Variants in ANKS1B observed in about 807,000 individuals in gnomAD.
ANKS1B encodes the protein ankyrin repeat and sterile alpha motif domain containing 1B.
In ANKS1B, 36 loss-of-function variants were observed where a neutral mutation model predicts 148.3. The observed-to-expected ratio is 0.24, with a 90% confidence interval of 0.19 to 0.32. The LOEUF is 0.32. Among genes scored for constraint, ANKS1B ranks in the 10% least tolerant of loss-of-function variants. The pLI is 1.00. For synonymous variants in ANKS1B, 542 were observed against 560.8 expected (o/e 0.97, Z 0.47); for missense variants, 1,157 against 1,542.6 (o/e 0.75, Z 4.19).
Position 99,246,640 on chromosome 12 carries a change from C to A in ANKS1B, c.1981G>T (p.Val661Leu), listed in dbSNP as rs774704478. The change falls in exon 13 of 27, where the codon GTA becomes TTA. Residue 661 changes from valine (V) to leucine (L), a missense_variant. By Grantham distance (32) the Val-to-Leu change is conservative. Around this residue, in one of 6 missense-constraint regions of ANKS1B, gnomAD observed 661 missense variants for 642.1 expected, o/e 1.03. Coordinates refer to ENST00000683438, the MANE Select transcript of ANKS1B (RefSeq NM_001352186.2). ...SPIENNSEPLVKKIKPKVVSR... is the reference protein window; with the variant it reads ...SPIENNSEPLLKKIKPKVVSR... ...ACCACTTTGGGTTTAATTTTCTTTA[C>A]CAAAGGTTCTGAGTTATTTTCTATT... The A allele has an allele frequency of 3.1e-6, 5 of 1,613,582 alleles. No individual in the cohort carries two copies. In the East Asian group the frequency reaches 1.1e-4, roughly 36 times the overall value.
chr12:99,094,744 G>C (rs1351463103), intron 15 of ANKS1B, among the ~76,000 whole-genome samples: 1 of 152,196 alleles, frequency 6.6e-6, no homozygotes, highest in East Asian at 1.9e-4. Flanking sequence ...GGGGGACGAA[G>C]ACCTGGGAAA....
At chr12:99,372,732 A>G (rs1229905136) in intron 12 of ANKS1B, among the ~76,000 whole-genome samples, 1 of 152,116 alleles carries the variant, frequency 6.6e-6, no homozygotes. Context: ...TCTGCATAAA[A>G]TGTTACTGCA....
intron 17 of ANKS1B, among the ~76,000 whole-genome samples, chr12:99,024,646 T>C (rs1440871914): frequency 6.6e-6 from 1 of 152,218 alleles, no homozygotes; most frequent in African/African-American, 2.4e-5. Flanking sequence ...GTTTTAAATT[T>C]TCTGTATATT....
At chr12:99,288,603 G>C (rs1215038463) in intron 12 of ANKS1B, among the ~76,000 whole-genome samples, 1 of 151,860 alleles carries the variant, frequency 6.6e-6, no homozygotes, top group Non-Finnish European at 1.5e-5. Flanking sequence ...AATAATAATG[G>C]GGTGATAAAG....
At chr12:99,157,796 T>A (rs1408876865) in intron 14 of ANKS1B, among the ~76,000 whole-genome samples, 2 of 152,120 alleles carry the variant, frequency 1.3e-5, no homozygotes, top group Non-Finnish European at 2.9e-5. Flanking sequence ...CTTGTACCTC[T>A]TAGAGCAATA....
chr12:99,459,555 G>A (rs1353400646), intron 10 of ANKS1B, among the ~76,000 whole-genome samples: 2 of 151,986 alleles, frequency 1.3e-5, no homozygotes, highest in Non-Finnish European at 2.9e-5. Context: ...AATGAATTCA[G>A]CAAAGTTTCA....
At chr12:98,977,832 G>C (rs546171305) in intron 17 of ANKS1B, among the ~76,000 whole-genome samples, 1 of 152,180 alleles carries the variant, frequency 6.6e-6, no homozygotes, top group Non-Finnish European at 1.5e-5. Context: ...TACTCATACA[G>C]TCAATAGACA....
At chr12:99,055,723 G>T (rs900392429) in intron 16 of ANKS1B, among the ~76,000 whole-genome samples, 1 of 149,482 alleles carries the variant, frequency 6.7e-6, no homozygotes, top group Non-Finnish European at 1.5e-5. Context: ...TCTAAACTTG[G>T]GGGGGGGGGA....
At chr12:99,401,014 G>A (rs1284090080) in intron 11 of ANKS1B, among the ~76,000 whole-genome samples, 1 of 145,118 alleles carries the variant, frequency 6.9e-6, no homozygotes, top group Admixed American at 6.8e-5. Context: ...TATAAGGTGT[G>A]TAAATTATCA....
At chr12:98,888,031 C>G (rs2152603328) in intron 17 of ANKS1B, among the ~76,000 whole-genome samples, 1 of 152,240 alleles carries the variant, frequency 6.6e-6, no homozygotes, top group South Asian at 2.1e-4. Context: ...AGAAAGATGC[C>G]TTAAATGATA....
chr12:99,411,672 T>C (rs191843100), intron 11 of ANKS1B, among the ~76,000 whole-genome samples: 8 of 152,332 alleles, frequency 5.3e-5, no homozygotes, highest in East Asian at 1.9e-4. Context: ...TATCCACTGA[T>C]TTGAAATGTC....
intron 24 of ANKS1B, among the ~76,000 whole-genome samples, chr12:98,774,497 T>A (rs1193100906): frequency 6.6e-6 from 1 of 152,248 alleles, no homozygotes; most frequent in East Asian, 1.9e-4. Flanking sequence ...TACATAGATG[T>A]GTTTAAAAAG....
At chr12:99,731,947 A>G (rs2059202307) in intron 8 of ANKS1B, among the ~76,000 whole-genome samples, 1 of 152,206 alleles carries the variant, frequency 6.6e-6, no homozygotes, top group African/African-American at 2.4e-5. Flanking sequence ...ATATATAAAG[A>G]ATTCGTTCAA....
intron 14 of ANKS1B, among the ~76,000 whole-genome samples, chr12:99,241,214 A>T (rs1489858690): frequency 6.6e-6 from 1 of 152,238 alleles, no homozygotes; most frequent in African/African-American, 2.4e-5. Context: ...GATAAAGGGG[A>T]TATCACCACC....
chr12:99,392,156 C>T (rs1174531049), intron 12 of ANKS1B, among the ~76,000 whole-genome samples: 1 of 152,224 alleles, frequency 6.6e-6, no homozygotes, highest in African/African-American at 2.4e-5. Flanking sequence ...CTGTTCCTGG[C>T]CTTCCTGTCG....
chr12:99,598,500 C>T (rs558290413), intron 9 of ANKS1B, among the ~76,000 whole-genome samples: 1 of 152,190 alleles, frequency 6.6e-6, no homozygotes, highest in Admixed American at 6.6e-5. Context: ...TTGCACAAGG[C>T]TACTTGACCC....
intron 14 of ANKS1B, among the ~76,000 whole-genome samples, chr12:99,234,671 C>T (rs12369669): frequency 6.6e-6 from 1 of 152,028 alleles, no homozygotes. Context: ...TATTAGTATT[C>T]TCATTTCTGT....
At chr12:99,467,734 G>A (rs2096151823) in intron 10 of ANKS1B, among the ~76,000 whole-genome samples, 1 of 152,146 alleles carries the variant, frequency 6.6e-6, no homozygotes, top group Non-Finnish European at 1.5e-5. Flanking sequence ...ACTTATAAGG[G>A]ACATGAAGGA....
chr12:99,972,939 C>T (rs1412338684), intron 1 of ANKS1B, among the ~76,000 whole-genome samples: 1 of 152,154 alleles, frequency 6.6e-6, no homozygotes, highest in Non-Finnish European at 1.5e-5. Context: ...AAAATGATGC[C>T]AAATCTACTG....
Sources: allele counts gnomAD v4.1 joint callset (sites outside exome capture counted in the v4.1 genomes callset), GRCh38; gene constraint gnomAD v4.1.1; regional missense constraint gnomAD v4.1.1; transcripts MANE v1.5; gene names NCBI Gene and HGNC (gene_info 2026-07-23, HGNC 2026-07-21).